The following SPATA22 variants were observed in gnomAD, a reference collection of about 807,000 sequenced individuals.
SPATA22 encodes the protein spermatogenesis associated 22, also known as spermatogenesis-associated protein 22.
In SPATA22, 29 loss-of-function variants were observed where a neutral mutation model predicts 47.8. The observed-to-expected ratio is 0.61, with a 90% confidence interval of 0.45 to 0.83. SPATA22 has a LOEUF of 0.83. SPATA22 is among the 40% of genes least tolerant of loss of function. The probability of loss-of-function intolerance (pLI) is 0.00; values close to 1 mark genes in which losing one functional copy is unlikely to be tolerated. For missense variants in SPATA22, 410 were observed against 421.7 expected (o/e 0.97, Z 0.24); for synonymous variants, 133 against 140.9 (o/e 0.94, Z 0.40).
chr17:3,498,250 A>C (rs2073940318), intron 1 of SPATA22, among the ~76,000 whole-genome samples: 2 of 152,260 alleles, frequency 1.3e-5, no homozygotes, highest in South Asian at 4.1e-4. Context: ...GGCAACAGGC[A>C]GACTATGCAC....
In SPATA22 at chr17:3,488,518, A is replaced by G. The variant is rs1438134700; in HGVS notation, c.-73-19120T>C. Among the ~76,000 whole-genome samples the G allele has an allele frequency of 6.6e-6, 1 of 152,106 alleles. No individual in the cohort carries two copies. Among genetic ancestry groups the G allele is most frequent in the East Asian group, 1.9e-4 (1 of 5,174 alleles). ...CTAAAAATATAAAAATAAGCCAGGA[A>G]TGGTGGCCCGTGCCTGTAATCCCAG... On this transcript the variant is annotated intron_variant, in intron 1 of 8. Coordinates refer to the SPATA22 transcript ENST00000541913. The surrounding 1 kb of genome is among the most constrained non-coding windows in gnomAD (Gnocchi z 6.1).
Position 3,490,294 on chromosome 17 carries a change from G to A in SPATA22, c.-73-20896C>T, listed in dbSNP as rs372838861. 8.1e-4 allele frequency among the ~76,000 whole-genome samples: 124 copies of A among 152,268 alleles called. No homozygotes were observed. Among genetic ancestry groups the A allele is most frequent in the Middle Eastern group, 3.4e-3 (1 of 294 alleles). On this transcript the variant is annotated intron_variant, in intron 1 of 8. Transcript: ENST00000541913. This position sits in a 1 kb window ranked among gnomAD's most constrained non-coding sequence, Gnocchi z 4.6. The stretch of plus-strand genomic sequence containing the variant: ...GGACTGGTGGACAAGGTGGGTATAT[G>A]CAGCTCTATGCACTATCTGCTCATT...
chr17:3,440,603 GAC>G (rs1464464865), intron 8 of SPATA22: 2 of 263,918 alleles, frequency 7.6e-6, no homozygotes, highest in Non-Finnish European at 1.4e-5. Flanking sequence ...CCAGTGTAAT[GAC>G]ACATGAAATT....
chr17:3,489,202 T>C (rs372085439), intron 1 of SPATA22: 111 of 1,261,170 alleles, frequency 8.8e-5, no homozygotes, highest in Middle Eastern at 2.6e-4. Context: ...TTCATACTTA[T>C]ATAAATGTGA....
chr17:3,471,649 C>G (rs2073438683), intron 1 of SPATA22, 33 bp downstream of exon 1: 9 of 985,076 alleles, frequency 9.1e-6, no homozygotes, highest in Non-Finnish European at 1.1e-5. Context: ...CCTGACCCGC[C>G]CACGGAGTGG....
chr17:3,463,270 TA>T (rs35111153), intron 3 of SPATA22, among the ~76,000 whole-genome samples: 28,914 of 152,158 alleles, frequency 0.19, 2,878 homozygotes, highest in Middle Eastern at 0.33. Flanking sequence ...AATGCATTGT[TA>T]GGTGAGTTTG....
chr17:3,509,759 T>C (rs1483387342), intron 1 of SPATA22, among the ~76,000 whole-genome samples: 1 of 152,226 alleles, frequency 6.6e-6, no homozygotes, highest in Non-Finnish European at 1.5e-5. Context: ...CCTCAATTGT[T>C]GAACTAATTT....
At chr17:3,500,677 C>A (rs902442721) in intron 1 of SPATA22, 23 of 151,576 alleles carry the variant, frequency 1.5e-4, no homozygotes, top group African/African-American at 4.6e-4. Flanking sequence ...TAATTTTTTG[C>A]ATTTTTTTAG....
At chr17:3,510,133 G>A (rs1193377533) in intron 1 of SPATA22, among the ~76,000 whole-genome samples, 1 of 152,154 alleles carries the variant, frequency 6.6e-6, no homozygotes, top group Non-Finnish European at 1.5e-5. Context: ...TCTGATGGTA[G>A]TTTGTTTTGC....
At chr17:3,483,723 T>C in intron 1 of SPATA22, 2 of 852,372 alleles carry the variant, frequency 2.3e-6, no homozygotes, top group South Asian at 2.9e-5. Context: ...AGTCCGATGG[T>C]GTGATCTCAG....
chr17:3,446,528 C>G lies in SPATA22; in HGVS notation c.746G>C (p.Ser249Thr). ...TGCATGTTCACGCCAATACTTCATG[C>G]TTTCAATAACTGCAGAAATAATTCT... ...SLRIISAVIE[S>T]MKYWREHAQK... The change falls in exon 7 of 9, where the codon AGC becomes ACC. Residue 249 changes from serine (S) to threonine (T), a missense_variant. By Grantham distance (58) the Ser-to-Thr change is moderately conservative. Coordinates refer to ENST00000572969, the MANE Select transcript of SPATA22 (RefSeq NM_001170698.2). The G allele has an allele frequency of 1.2e-6, 2 of 1,609,028 alleles. No homozygotes were observed. Among genetic ancestry groups the G allele is most frequent in the Non-Finnish European group, 1.7e-6 (2 of 1,177,452 alleles).
In SPATA22 at chr17:3,487,060, ATGTGTGTGTGTGCG is replaced by A. The variant is rs2073736556; in HGVS notation, c.-73-17676_-73-17663del. On this transcript the variant is annotated intron_variant, in intron 1 of 8. Transcript: ENST00000541913. Reference sequence around the variant, plus strand: ...CATATTTGTGTGTGTGTGTGTGTTTATGTGTGTGTGTGCGTGTGTGTGTGTGATCATAAGAGTGG... The same window carrying A: ...CATATTTGTGTGTGTGTGTGTGTTTATGTGTGTGTGTGATCATAAGAGTGG... Among the ~76,000 whole-genome samples, 4 of 131,852 alleles carry A rather than the reference ATGTGTGTGTGTGCG, an allele frequency of 3.0e-5. No homozygotes were observed. In the South Asian group the frequency reaches 9.7e-4, roughly 32 times the overall value. The allele number at this position is 131,852 out of a possible 152,430, so 86.5% of individuals were successfully genotyped here. A position where few individuals can be genotyped will look rare whatever the true frequency, so the allele number is the denominator to read the frequency against.
chr17:3,440,141 C>A lies in SPATA22; in HGVS notation c.*6G>T. On this transcript the variant is annotated 3_prime_UTR_variant, in exon 9 of 9. Coordinates refer to ENST00000572969, the MANE Select transcript of SPATA22 (RefSeq NM_001170698.2). ...TAATTTATGCTAAACTTCCTTTTATCACTACTTAAGTTTCATTCATCACAT... is the reference window on the plus strand; with the variant it reads ...TAATTTATGCTAAACTTCCTTTTATAACTACTTAAGTTTCATTCATCACAT... 6.7e-7 allele frequency: 1 copy of A among 1,496,576 alleles called. No homozygotes were observed. Among genetic ancestry groups the A allele is most frequent in the South Asian group, 1.4e-5 (1 of 72,630 alleles). 92.7% of individuals were successfully genotyped at this position (1,496,576 alleles called of 1,614,324 possible). A position where few individuals can be genotyped will look rare whatever the true frequency, so the allele number is the denominator to read the frequency against.
At position 3,469,287 on chromosome 17, in the gene SPATA22, T is replaced by C. The variant is rs2073377757; in HGVS notation, c.39A>G (p.Thr13=). ...AAATAAAAAGTTGTTCAATACCTGCTGTACTTCGAGCTGAATTTTCATTTA... is the reference window on the plus strand; with the variant it reads ...AAATAAAAAGTTGTTCAATACCTGCCGTACTTCGAGCTGAATTTTCATTTA... ...RSLNENSARS[T]AGCLPVPLFN... The change falls in exon 2 of 9, where the codon ACA becomes ACG. Residue 13 remains threonine (T), a synonymous_variant. Transcript: ENST00000572969. 10 of 1,516,372 alleles carry C rather than the reference T, an allele frequency of 6.6e-6. No homozygotes were observed. In the East Asian group the frequency reaches 2.0e-4, roughly 31 times the overall value. 93.9% of individuals were successfully genotyped at this position (1,516,372 alleles called of 1,614,324 possible). A position where few individuals can be genotyped will look rare whatever the true frequency, so the allele number is the denominator to read the frequency against.
At chr17:3,452,857 G>C (rs555554549) in intron 5 of SPATA22, among the ~76,000 whole-genome samples, 2 of 152,192 alleles carry the variant, frequency 1.3e-5, no homozygotes, top group African/African-American at 4.8e-5. Context: ...AGCCTAAACA[G>C]ACCAATAATA....
chr17:3,501,349 A>T (rs994191825), intron 1 of SPATA22: 1 of 152,174 alleles, frequency 6.6e-6, no homozygotes, highest in Admixed American at 6.5e-5. Context: ...GAGTTTGGAA[A>T]AAGTGAATTC....
At chr17:3,462,391 G>C (rs993627636) in intron 5 of SPATA22, 92 bp downstream of exon 5, 2 of 847,570 alleles carry the variant, frequency 2.4e-6, no homozygotes, top group Non-Finnish European at 3.7e-6. Flanking sequence ...TTCTGTCTGA[G>C]AAACAACGAA....
intron 1 of SPATA22, among the ~76,000 whole-genome samples, chr17:3,492,802 C>T (rs1426835083): frequency 1.3e-5 from 2 of 152,120 alleles, no homozygotes; most frequent in Non-Finnish European, 2.9e-5. Context: ...AGGATCCAGC[C>T]TCCAGGTGAG....
intron 1 of SPATA22, among the ~76,000 whole-genome samples, chr17:3,494,844 G>A (rs2150759571): frequency 6.6e-6 from 1 of 152,272 alleles, no homozygotes; most frequent in South Asian, 2.1e-4. Flanking sequence ...GAATTATGAT[G>A]TCTATTTTAA....
Sources: allele counts gnomAD v4.1 joint callset (sites outside exome capture counted in the v4.1 genomes callset), GRCh38; gene constraint gnomAD v4.1.1; non-coding constraint Gnocchi (gnomAD v3.1); transcripts MANE v1.5; gene names NCBI Gene and HGNC (gene_info 2026-07-23, HGNC 2026-07-21).